DKK2: variants seen among roughly 807,000 people sequenced by gnomAD.
The protein encoded by DKK2 is dickkopf-related protein 2.
A neutral mutation model predicts 28.1 loss-of-function variants in DKK2; 11 were observed. The observed-to-expected ratio is 0.39, with a 90% CI of 0.25 to 0.65. The LOEUF (loss-of-function observed/expected upper bound fraction) is 0.65, where lower values mean the gene tolerates loss of function less well. DKK2 is among the 30% of genes least tolerant of loss of function. The probability of loss-of-function intolerance (pLI) is 0.47; values close to 1 mark genes in which losing one functional copy is unlikely to be tolerated. For missense variants in DKK2, 326 were observed against 335.5 expected (o/e 0.97, Z 0.22); for synonymous variants, 135 against 126.5 (o/e 1.07, Z -0.45).
intron 1 of DKK2, among the ~76,000 whole-genome samples, chr4:106,989,964 A>G (rs1371512100): frequency 6.6e-6 from 1 of 152,204 alleles, no homozygotes; most frequent in Non-Finnish European, 1.5e-5. Context: ...CATAGCAAAA[A>G]TATTATTTTA....
At chr4:107,014,098 A>C (rs932162535) in intron 1 of DKK2, among the ~76,000 whole-genome samples, 7 of 151,502 alleles carry the variant, frequency 4.6e-5, no homozygotes, top group Non-Finnish European at 1.0e-4. Context: ...GAAAATTAGC[A>C]ATAGAACTAT....
At chr4:107,020,669 T>A (rs1250506356) in intron 1 of DKK2, among the ~76,000 whole-genome samples, 1 of 152,238 alleles carries the variant, frequency 6.6e-6, no homozygotes, top group East Asian at 1.9e-4. Flanking sequence ...AATAATTAAA[T>A]CAAGCCATGC....
intron 1 of DKK2, among the ~76,000 whole-genome samples, chr4:106,945,633 T>C (rs1251970778): frequency 6.6e-6 from 1 of 152,112 alleles, no homozygotes; most frequent in Non-Finnish European, 1.5e-5. Context: ...CCTTCCATGG[T>C]TAGAAAAACA....
At chr4:107,016,684 G>A (rs1183260390) in intron 1 of DKK2, among the ~76,000 whole-genome samples, 1 of 151,854 alleles carries the variant, frequency 6.6e-6, no homozygotes, top group African/African-American at 2.4e-5. Flanking sequence ...TTTGAAGATA[G>A]AGCTAAGGGG....
intron 1 of DKK2, among the ~76,000 whole-genome samples, chr4:106,993,742 T>C (rs972629902): frequency 2.4e-4 from 36 of 152,228 alleles, no homozygotes; most frequent in African/African-American, 8.7e-4. Flanking sequence ...TTAAAAGTCT[T>C]CCCAAATTCA....
chr4:106,938,830 C>G (rs930891177), intron 1 of DKK2, among the ~76,000 whole-genome samples: 4 of 151,120 alleles, frequency 2.6e-5, no homozygotes, highest in African/African-American at 9.7e-5. Context: ...TAAATGTAAT[C>G]CAGCATATAA....
chr4:106,959,124 A>G (rs1560580180), intron 1 of DKK2, among the ~76,000 whole-genome samples: 1 of 152,182 alleles, frequency 6.6e-6, no homozygotes, highest in Admixed American at 6.6e-5. Context: ...CCAAAAATAC[A>G]TGCTCAATTA....
chr4:106,935,045 AG>A (rs1325103641), intron 1 of DKK2, among the ~76,000 whole-genome samples: 1 of 152,012 alleles, frequency 6.6e-6, no homozygotes, highest in Non-Finnish European at 1.5e-5. Flanking sequence ...ATTGCTCAAC[AG>A]TGATCACCAC....
chr4:106,990,368 G>A (rs1251169318), intron 1 of DKK2, among the ~76,000 whole-genome samples: 3 of 152,156 alleles, frequency 2.0e-5, no homozygotes, highest in Non-Finnish European at 4.4e-5. Context: ...AAGCTTGAAA[G>A]AGTAAGGGGA....
chr4:106,984,946 A>C (rs188657237), intron 1 of DKK2, among the ~76,000 whole-genome samples: 1 of 152,338 alleles, frequency 6.6e-6, no homozygotes, highest in East Asian at 1.9e-4. Flanking sequence ...ACGGTGGCTC[A>C]CGCCTGTAAT....
chr4:107,018,126 C>G (rs1330517283), intron 1 of DKK2, among the ~76,000 whole-genome samples: 1 of 152,062 alleles, frequency 6.6e-6, no homozygotes, highest in East Asian at 1.9e-4. Flanking sequence ...TGAGCTCAGT[C>G]TGAGCCAGAG....
chr4:106,925,769 G>A (rs1460243463), intron 2 of DKK2, 30 bp downstream of exon 2: 1 of 1,582,262 alleles, frequency 6.3e-7, no homozygotes. Context: ...AAAAGAAAGA[G>A]GCCCATTAAC....
intron 1 of DKK2, among the ~76,000 whole-genome samples, chr4:106,931,091 T>C (rs1220055562): frequency 2.6e-5 from 4 of 152,164 alleles, no homozygotes; most frequent in Non-Finnish European, 4.4e-5. Context: ...GCCTGTGTGC[T>C]GTTGTATACT....
At chr4:106,978,740 G>C (rs1318619627) in intron 1 of DKK2, among the ~76,000 whole-genome samples, 1 of 152,066 alleles carries the variant, frequency 6.6e-6, no homozygotes, top group African/African-American at 2.4e-5. Context: ...CCTTTGCAGG[G>C]GAGTGAATGG....
intron 1 of DKK2, among the ~76,000 whole-genome samples, chr4:106,928,188 C>T (rs1233721693): frequency 6.6e-6 from 1 of 151,888 alleles, no homozygotes; most frequent in African/African-American, 2.4e-5. Flanking sequence ...ATGGGGTGCA[C>T]AGTAGCCTTA....
At position 107,019,367 on chromosome 4, in the gene DKK2, T is replaced by C. The variant is rs182385859; in HGVS notation, c.222+16003A>G. 3.8e-3 allele frequency among the ~76,000 whole-genome samples: 580 copies of C among 152,080 alleles called. 4 individuals are homozygous for C. The highest frequency in any genetic ancestry group is 0.013 in the African/African-American group (542 of 41,502). On this transcript the variant is annotated intron_variant, in intron 1 of 3. Coordinates refer to ENST00000285311, the MANE Select transcript of DKK2 (RefSeq NM_014421.3). ...AGATTGAGCTTGCCCAAAACCTATA[T>C]GGTCACTTTCCTGACATCATCCTTC...
intron 1 of DKK2, among the ~76,000 whole-genome samples, chr4:107,010,371 A>G (rs542162573): frequency 1.3e-4 from 20 of 151,832 alleles, no homozygotes; most frequent in Middle Eastern, 3.4e-3. Flanking sequence ...AAGTTGAAAT[A>G]ATCTACTAAG....
At chr4:106,984,351 G>A (rs2866908) in intron 1 of DKK2, among the ~76,000 whole-genome samples, 28,105 of 151,834 alleles carry the variant, frequency 0.19, 2,928 homozygotes, top group East Asian at 0.42. Context: ...CTAACTTCCC[G>A]TTTCCTCTCC....
At chr4:107,015,215 A>C (rs1723577477) in intron 1 of DKK2, among the ~76,000 whole-genome samples, 1 of 151,532 alleles carries the variant, frequency 6.6e-6, no homozygotes, top group South Asian at 2.1e-4. Flanking sequence ...GTACCTATAC[A>C]CTTGGTATTG....
Sources: gnomAD v4.1 joint callset for allele counts (sites outside exome capture counted in the v4.1 genomes callset) on GRCh38, gnomAD v4.1.1 for gene constraint, MANE v1.5 for transcripts, NCBI Gene and HGNC (gene_info 2026-07-23, HGNC 2026-07-21) for gene names.